The following TOR1AIP1 variants were observed in gnomAD, a reference collection of about 807,000 sequenced individuals.
TOR1AIP1 encodes torsin-1A-interacting protein 1.
In TOR1AIP1, 54 loss-of-function variants were observed where a neutral mutation model predicts 63.3. The observed-to-expected ratio is 0.85, with a 90% CI of 0.69 to 1.07. The LOEUF (loss-of-function observed/expected upper bound fraction) is 1.07. Ranked by LOEUF, TOR1AIP1 falls within the 50% of genes least tolerant of loss-of-function variation. The probability of loss-of-function intolerance (pLI) is 0.00; values close to 1 mark genes in which losing one functional copy is unlikely to be tolerated. For missense variants in TOR1AIP1, 736 were observed against 715.0 expected (o/e 1.03, Z -0.33); for synonymous variants, 294 against 273.5 (o/e 1.07, Z -0.74).
intron 8 of TOR1AIP1, among the ~76,000 whole-genome samples, 193 bp downstream of exon 8, chr1:179,908,866 G>A (rs1381966460): frequency 5.9e-5 from 9 of 152,132 alleles, no homozygotes; most frequent in Admixed American, 2.6e-4. Context: ...AAATAGTGGC[G>A]TGAGAAAACC....
At chr1:179,884,186 A>G (rs1050269785) in intron 1 of TOR1AIP1, among the ~76,000 whole-genome samples, 2 of 152,196 alleles carry the variant, frequency 1.3e-5, no homozygotes, top group Non-Finnish European at 2.9e-5. Flanking sequence ...CCTATAATAT[A>G]TTTGATAGTA....
intron 8 of TOR1AIP1, among the ~76,000 whole-genome samples, chr1:179,912,123 C>G (rs1306101543): frequency 1.3e-5 from 2 of 150,400 alleles, no homozygotes; most frequent in Non-Finnish European, 2.9e-5. Context: ...CTCCTGGGTT[C>G]AAGCGATTCT....
intron 7 of TOR1AIP1, among the ~76,000 whole-genome samples, chr1:179,908,315 A>G (rs985420057): frequency 2.0e-5 from 3 of 152,108 alleles, no homozygotes; most frequent in Non-Finnish European, 4.4e-5. Flanking sequence ...GATTGGTACT[A>G]CCTATAATAA....
intron 8 of TOR1AIP1, among the ~76,000 whole-genome samples, chr1:179,909,960 C>T (rs887919625): frequency 4.6e-5 from 7 of 152,076 alleles, no homozygotes; most frequent in African/African-American, 1.4e-4. Context: ...GACGGGGTTT[C>T]GCCATGTTGG....
At chr1:179,886,915 G>C (rs1179225812) in intron 2 of TOR1AIP1, among the ~76,000 whole-genome samples, 2 of 152,208 alleles carry the variant, frequency 1.3e-5, no homozygotes, top group African/African-American at 4.8e-5. Flanking sequence ...TAAAGTCTAA[G>C]AGAAATTATT....
At chr1:179,892,858 TTA>T (rs1237737568) in intron 3 of TOR1AIP1, among the ~76,000 whole-genome samples, 1 of 152,226 alleles carries the variant, frequency 6.6e-6, no homozygotes, top group Non-Finnish European at 1.5e-5. Context: ...TTGTCTGAAA[TTA>T]TGTCATATTA....
chr1:179,904,769 C>T (rs1648577672), intron 6 of TOR1AIP1: 1 of 152,124 alleles, frequency 6.6e-6, no homozygotes, highest in Non-Finnish European at 1.5e-5. Flanking sequence ...AGACTACAGG[C>T]ACGTGCTACC....
chr1:179,891,337 T>G (rs1167421457), intron 3 of TOR1AIP1, among the ~76,000 whole-genome samples: 1 of 152,082 alleles, frequency 6.6e-6, no homozygotes, highest in East Asian at 1.9e-4. Flanking sequence ...TTCTCCTGCC[T>G]CAGCCTCCCA....
At chr1:179,895,086 A>T (rs974049529) in intron 3 of TOR1AIP1, among the ~76,000 whole-genome samples, 1 of 152,162 alleles carries the variant, frequency 6.6e-6, no homozygotes, top group Non-Finnish European at 1.5e-5. Flanking sequence ...AAACATAAAG[A>T]CCTCGGACTT....
chr1:179,891,937 C>T (rs1401133075), intron 3 of TOR1AIP1, among the ~76,000 whole-genome samples: 1 of 152,148 alleles, frequency 6.6e-6, no homozygotes, highest in East Asian at 1.9e-4. Flanking sequence ...GTAATACGTT[C>T]GTTGAACGGG....
intron 1 of TOR1AIP1, 29 bp downstream of exon 1, chr1:179,883,006 C>T: frequency 6.3e-7 from 1 of 1,585,482 alleles, no homozygotes; most frequent in Non-Finnish European, 8.6e-7. Context: ...ACAGTCCCAG[C>T]CGCGAGCCAG....
intron 8 of TOR1AIP1, among the ~76,000 whole-genome samples, chr1:179,911,779 T>G (rs1463953800): frequency 6.6e-6 from 1 of 152,138 alleles, no homozygotes; most frequent in Non-Finnish European, 1.5e-5. Context: ...ACTAGATTAT[T>G]GTAATGAGCT....
chr1:179,895,705 G>A (rs1648244690), intron 3 of TOR1AIP1, among the ~76,000 whole-genome samples: 1 of 152,144 alleles, frequency 6.6e-6, no homozygotes, highest in African/African-American at 2.4e-5. Flanking sequence ...TTCAAGACCA[G>A]CCTGGCCAAC....
chr1:179,899,296 A>C (rs1648376425), intron 3 of TOR1AIP1, among the ~76,000 whole-genome samples: 1 of 152,066 alleles, frequency 6.6e-6, no homozygotes, highest in Non-Finnish European at 1.5e-5. Context: ...AGCCCATGTA[A>C]AAATACTATG....
chr1:179,900,757 T>C (rs1438033943), intron 4 of TOR1AIP1, among the ~76,000 whole-genome samples: 1 of 152,224 alleles, frequency 6.6e-6, no homozygotes, highest in Non-Finnish European at 1.5e-5. Flanking sequence ...TATTTTCTAT[T>C]ATGGTATTAA....
chr1:179,903,910 A>G lies in TOR1AIP1; in HGVS notation c.740-56A>G, dbSNP rs577017254. 194 of 1,247,066 alleles carry G rather than the reference A, an allele frequency of 1.6e-4. No individual in the cohort carries two copies. In the Middle Eastern group the frequency reaches 2.0e-3, roughly 13 times the overall value. The allele number at this position is 1,247,066 out of a possible 1,614,324, so 77.3% of individuals were successfully genotyped here. On this transcript the variant is annotated intron_variant, in intron 5 of 9. Coordinates refer to ENST00000606911, the MANE Select transcript of TOR1AIP1 (RefSeq NM_015602.4). ...TTAATTTCTCACTGTTGTCTTGTAA[A>G]ATGTACAGTCTAAAAGTTGGATATT...
At chr1:179,896,510 G>A (rs138569231) in intron 3 of TOR1AIP1, among the ~76,000 whole-genome samples, 7 of 151,360 alleles carry the variant, frequency 4.6e-5, no homozygotes, top group South Asian at 2.1e-4. Context: ...TTAGATGTAC[G>A]TGATGTAATG....
At position 179,898,265 on chromosome 1, in the gene TOR1AIP1, A is replaced by G. The variant is rs564645737; in HGVS notation, c.611-1861A>G. ...TTAGACAAGTCACTTGATATCTATG[A>G]ACCTTACTTATGAAAATCTTCCCTT... On this transcript the variant is annotated intron_variant, in intron 3 of 9. Coordinates refer to ENST00000606911, the MANE Select transcript of TOR1AIP1 (RefSeq NM_015602.4). 2.9e-3 allele frequency among the ~76,000 whole-genome samples: 442 copies of G among 152,288 alleles called. 3 individuals are homozygous for G. Among genetic ancestry groups the G allele is most frequent in the Non-Finnish European group, 5.9e-3 (401 of 68,014 alleles).
At chr1:179,889,963 T>G (rs1389910733) in intron 3 of TOR1AIP1, among the ~76,000 whole-genome samples, 1 of 152,210 alleles carries the variant, frequency 6.6e-6, no homozygotes. Flanking sequence ...TTTTCTGCAC[T>G]TTCTTGTTTA....
Sources: allele counts gnomAD v4.1 joint callset (sites outside exome capture counted in the v4.1 genomes callset), GRCh38; gene constraint gnomAD v4.1.1; transcripts MANE v1.5; gene names NCBI Gene and HGNC (gene_info 2026-07-23, HGNC 2026-07-21).